The following DIP2B variants were observed in gnomAD, a reference collection of about 807,000 sequenced individuals.
DIP2B encodes the protein disco-interacting protein 2 homolog B.
DIP2B carries 76 observed loss-of-function variants against 198.0 expected under a neutral mutation model. The observed-to-expected ratio is 0.38, with a 90% CI of 0.32 to 0.46. The LOEUF (loss-of-function observed/expected upper bound fraction) is 0.46, where lower values mean the gene tolerates loss of function less well. Ranked by LOEUF, DIP2B falls within the 20% of genes least tolerant of loss-of-function variation. The pLI is 0.99. For synonymous variants in DIP2B, 701 were observed against 739.1 expected, an observed-to-expected ratio of 0.95 and a Z score of 0.84; for missense variants, 1,559 against 1,978.4, an observed-to-expected ratio of 0.79 and a Z score of 4.02.
intron 1 of DIP2B, among the ~76,000 whole-genome samples, chr12:50,523,689 T>G (rs983395080): frequency 6.6e-6 from 1 of 152,198 alleles, no homozygotes; most frequent in Non-Finnish European, 1.5e-5. Flanking sequence ...CAAAGCAGTA[T>G]GGTATTAGCT....
chr12:50,660,823 A>C (rs1863330568), intron 4 of DIP2B, among the ~76,000 whole-genome samples: 1 of 152,184 alleles, frequency 6.6e-6, no homozygotes, highest in Non-Finnish European at 1.5e-5. Flanking sequence ...GGACCTGCAA[A>C]ACGTATATAA....
intron 12 of DIP2B, among the ~76,000 whole-genome samples, chr12:50,690,181 G>C (rs968098708): frequency 6.6e-6 from 1 of 151,594 alleles, no homozygotes; most frequent in African/African-American, 2.4e-5. Flanking sequence ...CTGCCTCCCA[G>C]GTTCACGCCA....
At chr12:50,722,021 G>A (rs965534257) in intron 26 of DIP2B, among the ~76,000 whole-genome samples, 2 of 140,204 alleles carry the variant, frequency 1.4e-5, no homozygotes, top group Non-Finnish European at 3.2e-5. Flanking sequence ...GTCTTCTTCT[G>A]TTGTTGCTAC....
rs531021317 is a variant in DIP2B at position 50,701,539 on chromosome 12, G to A, written c.2325+2337G>A. On this transcript the variant is annotated intron_variant, in intron 19 of 37. Coordinates refer to ENST00000301180, the MANE Select transcript of DIP2B (RefSeq NM_173602.3). ...TGGGATTACAGGTGCCTGCCACCAC[G>A]CCTGGCTAGTTTTTTTGTATTTTTA... is the stretch of plus-strand genomic sequence containing the variant. 5.3e-5 allele frequency among the ~76,000 whole-genome samples: 8 copies of A among 152,116 alleles called. No homozygotes were observed. The South Asian group carries it at 8.3e-4, about 16-fold the overall frequency.
At chr12:50,548,786 A>G (rs1358733016) in intron 1 of DIP2B, among the ~76,000 whole-genome samples, 5 of 152,136 alleles carry the variant, frequency 3.3e-5, no homozygotes, top group Admixed American at 3.3e-4. Flanking sequence ...TGGCCTCCCA[A>G]AGTTCTGGGA....
rs1051363974 is a variant in DIP2B at position 50,718,003 on chromosome 12, A to C, written c.2852-706A>C. ...CAACCTCCACCTCCTGGGTTCAAGC[A>C]ATTCTCCTGCCTCAGCCTCCCGAGT... On this transcript the variant is annotated intron_variant, in intron 23 of 37. Coordinates refer to ENST00000301180, the MANE Select transcript of DIP2B (RefSeq NM_173602.3). Among the ~76,000 whole-genome samples, 7 of 142,582 alleles carry C rather than the reference A, an allele frequency of 4.9e-5. No individual in the cohort carries two copies. In the East Asian group the frequency reaches 1.3e-3, roughly 26 times the overall value. The allele number at this position is 142,582 out of a possible 152,430, so 93.5% of individuals were successfully genotyped here.
chr12:50,589,381 G>C (rs1202366513), intron 1 of DIP2B, among the ~76,000 whole-genome samples: 1 of 151,610 alleles, frequency 6.6e-6, no homozygotes, highest in Non-Finnish European at 1.5e-5. Context: ...ATTTTTAGTA[G>C]AGAGGGGGTT....
intron 37 of DIP2B, among the ~76,000 whole-genome samples, chr12:50,743,323 C>T (rs759865631): frequency 4.5e-4 from 69 of 152,270 alleles, no homozygotes; most frequent in Non-Finnish European, 7.4e-4. Flanking sequence ...CCTCGTGATC[C>T]GCCCACCTCG....
intron 1 of DIP2B, among the ~76,000 whole-genome samples, chr12:50,619,940 G>C (rs1294073134): frequency 6.6e-6 from 1 of 152,126 alleles, no homozygotes; most frequent in African/African-American, 2.4e-5. Flanking sequence ...ACACCCATCT[G>C]GTCCCAGATA....
intron 1 of DIP2B, among the ~76,000 whole-genome samples, chr12:50,608,052 C>CA (rs1367269776): frequency 1.3e-5 from 2 of 152,102 alleles, no homozygotes; most frequent in East Asian, 3.9e-4. Context: ...CTTGGGCTCC[C>CA]AAAATGTTGG....
chr12:50,679,644 A>G (rs530022007), intron 8 of DIP2B: 6 of 152,336 alleles, frequency 3.9e-5, no homozygotes, highest in Admixed American at 1.3e-4. Context: ...AGGAAAAGAA[A>G]AGCATTTTTT....
chr12:50,693,880 G>A (rs1415014001), intron 14 of DIP2B, among the ~76,000 whole-genome samples: 3 of 152,210 alleles, frequency 2.0e-5, no homozygotes, highest in Admixed American at 6.5e-5. Flanking sequence ...GCAAGTTAGA[G>A]AGTGAGCAAA....
chr12:50,612,009 G>GAA (rs943437650), intron 1 of DIP2B, among the ~76,000 whole-genome samples: 106 of 122,530 alleles, frequency 8.7e-4, no homozygotes, highest in African/African-American at 2.9e-3. Flanking sequence ...CTCTAAAAAA[G>GAA]AAAAAAAAAA....
At position 50,505,067 on chromosome 12, in the gene DIP2B, G is replaced by A; in HGVS notation, c.-74G>A. ...GGCCGGAGCCGGATCCTGTAGCCGG[G>A]TGTGGGCCCGTGTCTGTCCGTCCCT... On this transcript the variant is annotated 5_prime_UTR_variant, in exon 1 of 38. It adds an upstream start codon to the 5' untranslated region. Coordinates refer to ENST00000301180, the MANE Select transcript of DIP2B (RefSeq NM_173602.3). 7.1e-7 allele frequency: 1 copy of A among 1,400,106 alleles called. No individual in the cohort carries two copies. The highest frequency in any genetic ancestry group is 9.7e-7 in the Non-Finnish European group (1 of 1,034,274). 86.7% of individuals were successfully genotyped at this position (1,400,106 alleles called of 1,614,324 possible). A position where few individuals can be genotyped will look rare whatever the true frequency, so the allele number is the denominator to read the frequency against.
At chr12:50,720,502 C>T (rs949721706) in intron 25 of DIP2B, among the ~76,000 whole-genome samples, 6 of 151,586 alleles carry the variant, frequency 4.0e-5, no homozygotes, top group South Asian at 2.1e-4. Flanking sequence ...ATTGAAAAGT[C>T]GTTAAAAATC....
rs769160779 is a variant in DIP2B at position 50,671,195 on chromosome 12, C to T, written c.437C>T (p.Ser146Leu). 7.4e-6 allele frequency: 12 copies of T among 1,613,968 alleles called. No homozygotes were observed. The East Asian group carries it at 8.9e-5, about 12-fold the overall frequency. ...TTCTAATTCCACACAGACACATCTT[C>T]GGCCTCTGAGGATGAGGGCTCTCTG... The part of the protein sequence containing the change: ...ADACTPPDTS[S>L]ASEDEGSLRR... Residue 146 changes from serine (S) to leucine (L), a missense_variant, in exon 5 of 38, where the codon TCG becomes TTG. Transcript: ENST00000301180.
chr12:50,639,873 C>T (rs970148040), intron 2 of DIP2B, among the ~76,000 whole-genome samples: 1 of 152,098 alleles, frequency 6.6e-6, no homozygotes, highest in Non-Finnish European at 1.5e-5. Context: ...TATGGGACAT[C>T]TAAGAGAGTC....
intron 1 of DIP2B, among the ~76,000 whole-genome samples, chr12:50,564,940 A>G (rs1357877233): frequency 1.3e-5 from 2 of 152,178 alleles, no homozygotes; most frequent in African/African-American, 4.8e-5. Context: ...ATAGAATAGT[A>G]ATCCAGTTTT....
At chr12:50,555,875 T>C (rs888489670) in intron 1 of DIP2B, among the ~76,000 whole-genome samples, 10 of 152,114 alleles carry the variant, frequency 6.6e-5, no homozygotes, top group Middle Eastern at 3.2e-3. Context: ...TTCACTGATA[T>C]ACGAAACACA....
Sources: allele counts gnomAD v4.1 joint callset (sites outside exome capture counted in the v4.1 genomes callset), GRCh38; gene constraint gnomAD v4.1.1; transcripts MANE v1.5; gene names NCBI Gene and HGNC (gene_info 2026-07-23, HGNC 2026-07-21).